The following PPP1R9A variants were observed in gnomAD, a reference collection of about 807,000 sequenced individuals.
PPP1R9A encodes the protein neurabin-1.
Under a neutral mutation model 141.9 loss-of-function variants are expected in PPP1R9A, and 59 were observed. The ratio of observed to expected loss-of-function variants is 0.42; its 90% CI spans 0.34 to 0.52. The LOEUF (loss-of-function observed/expected upper bound fraction) is 0.52. Ranked by LOEUF, PPP1R9A falls within the 20% of genes least tolerant of loss-of-function variation. The pLI is 0.10. For missense variants in PPP1R9A, 1,444 were observed against 1,611.9 expected (o/e 0.90, Z 1.78); for synonymous variants, 500 against 569.7 (o/e 0.88, Z 1.74).
intron 8 of PPP1R9A, among the ~76,000 whole-genome samples, chr7:95,246,525 C>CA (rs1798139786): frequency 1.3e-5 from 2 of 152,046 alleles, no homozygotes; most frequent in African/African-American, 4.8e-5. Flanking sequence ...TGTTTGGTGG[C>CA]AAAAATAATT....
At chr7:95,031,873 C>A (rs1449444316) in intron 2 of PPP1R9A, among the ~76,000 whole-genome samples, 1 of 151,918 alleles carries the variant, frequency 6.6e-6, no homozygotes, top group Non-Finnish European at 1.5e-5. Flanking sequence ...TAAATTATTT[C>A]AACTAGACTG....
intron 2 of PPP1R9A, among the ~76,000 whole-genome samples, chr7:94,962,354 G>A (rs1409101392): frequency 6.6e-6 from 1 of 151,796 alleles, no homozygotes; most frequent in Non-Finnish European, 1.5e-5. Flanking sequence ...ATAAAGCAAA[G>A]TTCTCATATA....
chr7:95,253,131 C>A (rs1034185572), intron 12 of PPP1R9A, among the ~76,000 whole-genome samples: 5 of 152,120 alleles, frequency 3.3e-5, no homozygotes, highest in African/African-American at 7.2e-5. Flanking sequence ...AAGATAAATA[C>A]ACAGGAATGT....
intron 4 of PPP1R9A, among the ~76,000 whole-genome samples, chr7:95,159,343 T>C (rs1830093637): frequency 6.6e-6 from 1 of 152,204 alleles, no homozygotes; most frequent in Admixed American, 6.5e-5. Flanking sequence ...ATGTAAATTA[T>C]GCCTATTCAT....
intron 2 of PPP1R9A, among the ~76,000 whole-genome samples, chr7:94,912,879 C>T (rs1363638137): frequency 6.6e-6 from 1 of 152,034 alleles, no homozygotes; most frequent in Non-Finnish European, 1.5e-5. Flanking sequence ...TTGTGATTAT[C>T]TCCTCCTGCC....
At chr7:94,985,435 C>G (rs1404251262) in intron 2 of PPP1R9A, among the ~76,000 whole-genome samples, 1 of 151,992 alleles carries the variant, frequency 6.6e-6, no homozygotes, top group Non-Finnish European at 1.5e-5. Flanking sequence ...TTAAAGTCTC[C>G]CATTATTATT....
At chr7:95,270,348 A>G (rs1182379671) in intron 14 of PPP1R9A, among the ~76,000 whole-genome samples, 2 of 152,154 alleles carry the variant, frequency 1.3e-5, no homozygotes, top group East Asian at 3.9e-4. Context: ...AGTTACCACA[A>G]AGATGATTAA....
chr7:95,147,272 T>C (rs1338816128), intron 4 of PPP1R9A, among the ~76,000 whole-genome samples: 1 of 152,186 alleles, frequency 6.6e-6, no homozygotes, highest in African/African-American at 2.4e-5. Context: ...GAATGGGAGT[T>C]CAATCATGAT....
intron 2 of PPP1R9A, among the ~76,000 whole-genome samples, chr7:94,951,377 A>G (rs1796458669): frequency 2.6e-5 from 4 of 152,076 alleles, no homozygotes; most frequent in South Asian, 2.1e-4. Flanking sequence ...TTTGTTAGGT[A>G]TATTTGATCA....
chr7:94,997,383 ATCT>A (rs1206894422), intron 2 of PPP1R9A, among the ~76,000 whole-genome samples: 2 of 151,980 alleles, frequency 1.3e-5, no homozygotes, highest in African/African-American at 4.8e-5. Context: ...AGATTTTATT[ATCT>A]TCTTTTAAAT....
Position 95,116,990 on chromosome 7 carries a change from G to A in PPP1R9A, c.1529-3722G>A, listed in dbSNP as rs758696290. On this transcript the variant is annotated intron_variant, in intron 3 of 19. Transcript: ENST00000433360. ...AGTTGGATACCTTCATTACAGCATAGGTAAAAATAAATAACTCTACATGGG... is the reference window on the plus strand; with the variant it reads ...AGTTGGATACCTTCATTACAGCATAAGTAAAAATAAATAACTCTACATGGG... Among the ~76,000 whole-genome samples the A allele has an allele frequency of 7.9e-5, 12 of 151,980 alleles. 1 individual carries two copies. Among genetic ancestry groups the A allele is most frequent in the Non-Finnish European group, 1.5e-4 (10 of 68,006 alleles).
chr7:95,229,574 C>A (rs1795625276), intron 8 of PPP1R9A, among the ~76,000 whole-genome samples: 1 of 152,032 alleles, frequency 6.6e-6, no homozygotes, highest in Non-Finnish European at 1.5e-5. Context: ...CTCCATTGGA[C>A]TGGGAACCAC....
At chr7:95,049,914 C>T (rs1810555196) in intron 2 of PPP1R9A, among the ~76,000 whole-genome samples, 1 of 152,128 alleles carries the variant, frequency 6.6e-6, no homozygotes, top group African/African-American at 2.4e-5. Context: ...TATCCATTCA[C>T]CTGTGGGTGC....
rs181781118 is a variant in PPP1R9A, at chr7:95,223,812, G to A, written c.1957-2149G>A. On this transcript the variant is annotated intron_variant, in intron 7 of 19. Transcript: ENST00000433360. ...AAAGGCTTGGGTTTTGCTGCCATTT[G>A]TAATGATAGGGTTAAAAACAAGTAC... is the stretch of plus-strand genomic sequence containing the variant. 7.8e-3 allele frequency among the ~76,000 whole-genome samples: 1,184 copies of A among 152,056 alleles called. 14 individuals are homozygous for A. Among genetic ancestry groups the A allele is most frequent in the African/African-American group, 0.027 (1,122 of 41,502 alleles).
intron 1 of PPP1R9A, chr7:94,908,147 G>A (rs1381495108): frequency 6.6e-6 from 1 of 150,776 alleles, no homozygotes; most frequent in African/African-American, 2.4e-5. Flanking sequence ...CGGGTAAGGG[G>A]GAGGCTGAGC....
chr7:95,082,339 G>A (rs553290176), intron 2 of PPP1R9A, among the ~76,000 whole-genome samples: 3 of 151,238 alleles, frequency 2.0e-5, no homozygotes, highest in East Asian at 2.0e-4. Flanking sequence ...GAGCATGCTC[G>A]GAAAATACCT....
chr7:95,004,786 C>T (rs1032263722), intron 2 of PPP1R9A, among the ~76,000 whole-genome samples: 1 of 152,140 alleles, frequency 6.6e-6, no homozygotes, highest in African/African-American at 2.4e-5. Context: ...AAATATACTC[C>T]TGATGACAGA....
At chr7:95,052,908 G>A (rs1305793509) in intron 2 of PPP1R9A, among the ~76,000 whole-genome samples, 1 of 152,078 alleles carries the variant, frequency 6.6e-6, no homozygotes, top group Non-Finnish European at 1.5e-5. Context: ...CATTTCTCTT[G>A]TCGTTGTGTC....
In PPP1R9A at chr7:95,293,933, A is replaced by G. The variant is rs1227086067; in HGVS notation, c.*3630A>G. 2 of 152,260 alleles carry G rather than the reference A, an allele frequency of 1.3e-5. No individual in the cohort carries two copies. The highest frequency in any genetic ancestry group is 2.9e-5 in the Non-Finnish European group (2 of 68,054). 9.4% of individuals were successfully genotyped at this position (152,260 alleles called of 1,614,324 possible). Reference sequence around the variant, plus strand: ...TAACAATAGTGTTCTAGAGGATTCTAAAGGAAGCTGCCCCAGCAGCCCTGA... The same window carrying G: ...TAACAATAGTGTTCTAGAGGATTCTGAAGGAAGCTGCCCCAGCAGCCCTGA... On this transcript the variant is annotated 3_prime_UTR_variant, in exon 20 of 20. Coordinates refer to ENST00000433360, the MANE Select transcript of PPP1R9A (RefSeq NM_001166160.2).
Sources: gnomAD v4.1 joint callset for allele counts (sites outside exome capture counted in the v4.1 genomes callset) on GRCh38, gnomAD v4.1.1 for gene constraint, MANE v1.5 for transcripts, NCBI Gene and HGNC (gene_info 2026-07-23, HGNC 2026-07-21) for gene names.